Variants in PLIN4 observed in about 807,000 individuals in gnomAD.
PLIN4 encodes the protein perilipin 4, also known as perilipin-4.
A neutral mutation model predicts 52.4 loss-of-function variants in PLIN4; 57 were observed. That is an observed-to-expected ratio of 1.09 (90% CI 0.88 to 1.36). The LOEUF is 1.36. PLIN4 is among the 40% of genes most tolerant of loss of function. The pLI, the probability that PLIN4 is intolerant of heterozygous loss-of-function variation, is 0.00. For synonymous variants in PLIN4, 826 were observed against 785.4 expected (o/e 1.05, Z -0.86); for missense variants, 1,757 against 1,770.3 (o/e 0.99, Z 0.13).
chr19:4,517,415 G>A lies in PLIN4; in HGVS notation c.196+139C>T, dbSNP rs570464083. 114 of 1,168,764 alleles carry A rather than the reference G, an allele frequency of 9.8e-5. No individual in the cohort carries two copies. The African/African-American group carries it at 1.7e-3, about 17-fold the overall frequency. The allele number at this position is 1,168,764 out of a possible 1,614,324, so 72.4% of individuals were successfully genotyped here. ...GCCTCAGTTTCCCCATCCACCACAA[G>A]ATGTCCTAGTGTCTGATGAGAGCAC... is the stretch of plus-strand genomic sequence containing the variant. On this transcript the variant is annotated intron_variant, in intron 3 of 7. Coordinates refer to ENST00000301286, the MANE Select transcript of PLIN4 (RefSeq NM_001367868.2).
chr19:4,518,200 C>T, intron 2 of PLIN4, 22 bp downstream of exon 2: 2 of 1,233,090 alleles, frequency 1.6e-6, no homozygotes, highest in Non-Finnish European at 2.0e-6. Context: ...CAGCAAGAAT[C>T]TGCCCCATTT....
chr19:4,509,267 A>T (rs4991028), intron 5 of PLIN4, among the ~76,000 whole-genome samples: 1 of 132,104 alleles, frequency 7.6e-6, no homozygotes, highest in Non-Finnish European at 1.6e-5. Flanking sequence ...GCCGAGATGG[A>T]GCCACTGCAC....
chr19:4,518,391 G>T lies in PLIN4; in HGVS notation c.-24C>A. The stretch of plus-strand genomic sequence containing the variant: ...TGAGCAGCCCGACACCCACCTGCAG[G>T]CCTGGCCTCACCCTGGTGTCACCGA... On this transcript the variant is annotated 5_prime_UTR_variant, in exon 1 of 8. Coordinates refer to ENST00000301286, the MANE Select transcript of PLIN4 (RefSeq NM_001367868.2). The T allele has an allele frequency of 8.1e-7, 1 of 1,230,748 alleles. No homozygotes were observed. The highest frequency in any genetic ancestry group is 1.0e-6 in the Non-Finnish European group (1 of 987,468). The allele number at this position is 1,230,748 out of a possible 1,614,324, so 76.2% of individuals were successfully genotyped here.
At chr19:4,506,023 C>T (rs1445674275) in intron 6 of PLIN4, among the ~76,000 whole-genome samples, 1 of 152,124 alleles carries the variant, frequency 6.6e-6, no homozygotes, top group Non-Finnish European at 1.5e-5. Flanking sequence ...ACCACCACAG[C>T]GTGACTCCTG....
chr19:4,518,189 C>G (rs762737235), intron 2 of PLIN4, 33 bp downstream of exon 2: 189 of 1,231,786 alleles, frequency 1.5e-4, no homozygotes, highest in Non-Finnish European at 1.9e-4. Context: ...TCTCCAGGCC[C>G]CAGCAAGAAT....
chr19:4,502,273 A>G lies in PLIN4; in HGVS notation c.*2186T>C, dbSNP rs1599731004. 1.1e-5 allele frequency: 6 copies of G among 557,240 alleles called. No homozygotes were observed. The highest frequency in any genetic ancestry group is 7.7e-5 in the African/African-American group (4 of 51,802). The allele number at this position is 557,240 out of a possible 1,614,324, so 34.5% of individuals were successfully genotyped here. ...GCAGTGGGGGCCTGAGCTGGGGCGC[A>G]GGCGGCAGTGTCACTGGGCCCGTTT... is the stretch of plus-strand genomic sequence containing the variant. On this transcript the variant is annotated 3_prime_UTR_variant, in exon 8 of 8. Coordinates refer to ENST00000301286, the MANE Select transcript of PLIN4 (RefSeq NM_001367868.2).
At chr19:4,514,425 GCAA>G (rs1976530463) in intron 4 of PLIN4, among the ~76,000 whole-genome samples, 3 of 152,096 alleles carry the variant, frequency 2.0e-5, no homozygotes, top group Admixed American at 1.3e-4. Context: ...TCCAGCCTGG[GCAA>G]CAACATGAGA....
intron 5 of PLIN4, among the ~76,000 whole-genome samples, chr19:4,510,163 G>A (rs1286294785): frequency 1.3e-5 from 2 of 151,980 alleles, no homozygotes; most frequent in Admixed American, 1.3e-4. Context: ...TCAAGAGATC[G>A]AGACCATCCT....
chr19:4,517,995 G>A (rs1391717579), intron 2 of PLIN4, among the ~76,000 whole-genome samples: 4 of 152,182 alleles, frequency 2.6e-5, no homozygotes, highest in East Asian at 1.9e-4. Flanking sequence ...AGCTGAGGCC[G>A]GCCCAAGGTC....
In PLIN4 at chr19:4,512,628, C is replaced by G; in HGVS notation, c.1332G>C (p.Met444Ile). The G allele has an allele frequency of 6.3e-7, 1 of 1,592,884 alleles. No homozygotes were observed. The highest frequency in any genetic ancestry group is 2.2e-5 in the East Asian group (1 of 44,786). ...DTVCSGVTGAMNLARGTIQTG... is the reference protein window; with the variant it reads ...DTVCSGVTGAINLARGTIQTG... ...TCTGGATGGTTCCTCTGGCCAAATT[C>G]ATGGCACCAGTCACCCCACTGCAGA... The change falls in exon 5 of 8, where the codon ATG (methionine) becomes ATC (isoleucine). Residue 444 changes from methionine (M) to isoleucine (I), a missense_variant. Met to Ile is a conservative substitution (Grantham distance 10). This residue lies in a region of PLIN4 where 439 missense variants were observed against 406.4 expected (regional missense o/e 1.08). Transcript: ENST00000301286.
intron 1 of PLIN4, 28 bp from the exon 2 acceptor site, chr19:4,518,317 A>T: frequency 4.9e-6 from 6 of 1,232,620 alleles, no homozygotes; most frequent in Non-Finnish European, 6.1e-6. Flanking sequence ...AGGTGCGTGA[A>T]TGGGGGTTCC....
rs777329854 is a variant in PLIN4 at position 4,504,805 on chromosome 19, G to A, written c.3790-20C>T. The A allele has an allele frequency of 5.6e-6, 9 of 1,603,870 alleles. No homozygotes were observed. The highest frequency in any genetic ancestry group is 7.7e-6 in the Non-Finnish European group (9 of 1,175,044). ...CCGCTCCTGTGGGAGGAAGGCGCAA[G>A]GTGAGTGGAGACCCATGGGCGGGGT... On this transcript the variant is annotated intron_variant, in intron 7 of 7. Coordinates refer to ENST00000301286, the MANE Select transcript of PLIN4 (RefSeq NM_001367868.2).
chr19:4,511,688 C>G lies in PLIN4; in HGVS notation c.2272G>C (p.Val758Leu), dbSNP rs1452067760. 3.3e-6 allele frequency: 4 copies of G among 1,196,586 alleles called. No homozygotes were observed. Among genetic ancestry groups the G allele is most frequent in the Middle Eastern group, 2.1e-4 (1 of 4,778 alleles). The allele number at this position is 1,196,586 out of a possible 1,614,324, so 74.1% of individuals were successfully genotyped here. A position where few individuals can be genotyped will look rare whatever the true frequency, so the allele number is the denominator to read the frequency against. ...ACAGCATCTTTAGTGCCAGTCAGGACAGACTTTGTAGTGTCCAGGCCCCCT... is the reference window on the plus strand; with the variant it reads ...ACAGCATCTTTAGTGCCAGTCAGGAGAGACTTTGTAGTGTCCAGGCCCCCT... ...IQGGLDTTKS[V>L]LTGTKDAVST... The change falls in exon 5 of 8, where the codon GTC (valine) becomes CTC (leucine). Residue 758 changes from valine (V) to leucine (L), a missense_variant. Physicochemically the swap from Val to Leu is conservative, Grantham distance 32 (BLOSUM62 1). Transcript: ENST00000301286.
At chr19:4,507,353 C>T (rs376146768) in intron 6 of PLIN4, among the ~76,000 whole-genome samples, 2 of 152,174 alleles carry the variant, frequency 1.3e-5, no homozygotes, top group South Asian at 2.1e-4. Context: ...AAGAGGATCG[C>T]GGGAGCGCAG....
rs1348388152 is a variant in PLIN4, at chr19:4,513,372, A to G, written c.588T>C (p.Thr196=). 3.1e-6 allele frequency: 5 copies of G among 1,612,980 alleles called. No individual in the cohort carries two copies. The highest frequency in any genetic ancestry group is 1.7e-5 in the Admixed American group (1 of 59,942). ...TVQAGVDTTK[T]VLTGTKDTVT... is the part of the protein sequence containing the mutation. ...CTGTGTCTTTGGTGCCGGTCAGCAC[A>G]GTCTTGGTGGTGTCCACACCGGCCT... is the stretch of plus-strand genomic sequence containing the variant. The change falls in exon 5 of 8, where the codon ACT becomes ACC. Residue 196 remains threonine, a synonymous_variant. Transcript: ENST00000301286.
Position 4,511,075 on chromosome 19 carries a change from T to G in PLIN4, c.2885A>C (p.Asp962Ala). The G allele has an allele frequency of 6.2e-7, 1 of 1,613,534 alleles. No individual in the cohort carries two copies. The highest frequency in any genetic ancestry group is 8.5e-7 in the Non-Finnish European group (1 of 1,179,858). ...CCCCGTGACTCCAGTAGTCACTGCA[T>G]CCTTAGCGCCACTCAGCACCGTCTT... ...TAKTVLSGAK[D>A]AVTTGVTGAV... Residue 962 changes from aspartate to alanine, a missense_variant, in exon 5 of 8, where the codon GAT (aspartate) becomes GCT (alanine). Around this residue, in one of 7 missense-constraint regions of PLIN4, gnomAD observed 712 missense variants for 637.1 expected, o/e 1.12. Transcript: ENST00000301286.
In PLIN4 at chr19:4,512,529, C is replaced by T. The variant is rs139885054; in HGVS notation, c.1431G>A (p.Ala477=). The T allele has an allele frequency of 2.6e-4, 418 of 1,609,298 alleles. 3 individuals are homozygous for T. In the East Asian group the frequency reaches 8.4e-3, roughly 32 times the overall value. Residue 477 remains alanine (A), a synonymous_variant, in exon 5 of 8, where the codon GCG becomes GCA. Transcript: ENST00000301286. ...CCTGGACGGCCCCTTTGGCCACATT[C>T]GCAGCACCGGTGACCCCACTGCAGA... is the stretch of plus-strand genomic sequence containing the variant. The part of the protein sequence containing the change: ...DTVCSGVTGA[A]NVAKGAVQGG...
chr19:4,517,479 C>G, intron 3 of PLIN4, 75 bp downstream of exon 3: 1 of 1,515,526 alleles, frequency 6.6e-7, no homozygotes, highest in Non-Finnish European at 8.9e-7. Flanking sequence ...GGCTGGAAGT[C>G]CCTGCCCGGG....
chr19:4,513,759 G>A (rs898135840), intron 4 of PLIN4, 58 bp from the exon 5 acceptor site: 24 of 1,505,424 alleles, frequency 1.6e-5, no homozygotes, highest in East Asian at 6.9e-5. Context: ...ACTCCACCCC[G>A]ATGTCTGCCA....
Sources: allele counts gnomAD v4.1 joint callset (sites outside exome capture counted in the v4.1 genomes callset), GRCh38; gene constraint gnomAD v4.1.1; regional missense constraint gnomAD v4.1.1; transcripts MANE v1.5; gene names NCBI Gene and HGNC (gene_info 2026-07-23, HGNC 2026-07-21).